The following ARB2A variants were observed in gnomAD, a reference collection of about 807,000 sequenced individuals.
ARB2A encodes cotranscriptional regulator ARB2A.
chr5:94,016,031 T>C, the ARB2A span, among the ~76,000 whole-genome samples: 1 of 152,132 alleles, frequency 6.6e-6, no homozygotes, highest in Non-Finnish European at 1.5e-5. Flanking sequence ...AATTATATAC[T>C]GTCTACAACA....
At chr5:93,784,529 G>A in the ARB2A span, 2 of 1,559,126 alleles carry the variant, frequency 1.3e-6, no homozygotes, top group East Asian at 2.3e-5. Flanking sequence ...TAAAATATTG[G>A]CTATAATTGT....
At chr5:93,773,453 G>T in the ARB2A span, among the ~76,000 whole-genome samples, 13,530 of 152,150 alleles carry the variant, frequency 0.089, 943 homozygotes, top group African/African-American at 0.19. Context: ...GTAACTAAAG[G>T]CAATAGCATA....
the ARB2A span, chr5:93,805,981 A>T: frequency 1.0e-6 from 1 of 966,048 alleles, no homozygotes; most frequent in Non-Finnish European, 1.2e-6. Flanking sequence ...CACTCATGAG[A>T]TTATTTTATA....
chr5:93,755,380 T>A, the ARB2A span, among the ~76,000 whole-genome samples: 1 of 152,188 alleles, frequency 6.6e-6, no homozygotes, highest in Non-Finnish European at 1.5e-5. Context: ...GGAGGTAAGA[T>A]CATCATGGCT....
the ARB2A span, among the ~76,000 whole-genome samples, chr5:93,711,328 T>C: frequency 6.6e-6 from 1 of 151,992 alleles, no homozygotes; most frequent in Admixed American, 6.6e-5. Flanking sequence ...TCTATTGTAA[T>C]ATCAAGAGAA....
chr5:93,950,648 T>C, the ARB2A span, among the ~76,000 whole-genome samples: 13 of 140,480 alleles, frequency 9.3e-5, no homozygotes, highest in Middle Eastern at 4.4e-3. Context: ...GTCTCAAAAA[T>C]AAAACAAATA....
chr5:94,081,154 G>A, the ARB2A span, among the ~76,000 whole-genome samples: 1 of 152,120 alleles, frequency 6.6e-6, no homozygotes, highest in Admixed American at 6.5e-5. Flanking sequence ...ACAATAACTA[G>A]CATGGCTATA....
At chr5:93,699,161 GA>G in the ARB2A span, among the ~76,000 whole-genome samples, 1 of 152,274 alleles carries the variant, frequency 6.6e-6, no homozygotes, top group Non-Finnish European at 1.5e-5. Flanking sequence ...TACAGAGATA[GA>G]AAAGTGGCAC....
chr5:94,063,246 C>A, the ARB2A span, among the ~76,000 whole-genome samples: 1 of 152,102 alleles, frequency 6.6e-6, no homozygotes, highest in African/African-American at 2.4e-5. Context: ...GATTGCCAAG[C>A]ACCAGTCCAC....
the ARB2A span, among the ~76,000 whole-genome samples, chr5:93,809,214 A>G: frequency 6.6e-6 from 1 of 152,028 alleles, no homozygotes; most frequent in East Asian, 1.9e-4. Flanking sequence ...GGATGTAGAC[A>G]TCTTAAAACA....
the ARB2A span, among the ~76,000 whole-genome samples, chr5:93,942,336 T>G: frequency 1.3e-5 from 2 of 152,232 alleles, no homozygotes; most frequent in Admixed American, 6.5e-5. Context: ...TTATGAAGTC[T>G]CTAATGTAAA....
the ARB2A span, among the ~76,000 whole-genome samples, chr5:93,702,116 C>T: frequency 6.6e-6 from 1 of 152,104 alleles, no homozygotes; most frequent in African/African-American, 2.4e-5. Flanking sequence ...TGGAATTAAC[C>T]TTGGGAATCA....
chr5:94,104,158 G>C, the ARB2A span, among the ~76,000 whole-genome samples: 4 of 149,652 alleles, frequency 2.7e-5, no homozygotes, highest in South Asian at 8.4e-4. Context: ...CAAAATCAGA[G>C]CTGACTGAAC....
chr5:93,776,226 G>A, the ARB2A span: 2 of 1,611,238 alleles, frequency 1.2e-6, no homozygotes, highest in African/African-American at 2.7e-5. Flanking sequence ...CTGAGCTAGA[G>A]ACCCAATTAC....
the ARB2A span, among the ~76,000 whole-genome samples, chr5:94,107,389 A>G: frequency 1.3e-5 from 2 of 152,132 alleles, no homozygotes; most frequent in Non-Finnish European, 2.9e-5. Context: ...AGGAGTTACA[A>G]GTAAAATTGT....
chr5:93,644,182 C>T, the ARB2A span, among the ~76,000 whole-genome samples: 2 of 152,180 alleles, frequency 1.3e-5, no homozygotes, highest in African/African-American at 4.8e-5. Flanking sequence ...GAGTCCAGAT[C>T]CCAGGCTCTT....
chr5:93,655,468 T>C, the ARB2A span, among the ~76,000 whole-genome samples: 3 of 152,178 alleles, frequency 2.0e-5, no homozygotes, highest in Non-Finnish European at 1.5e-5. Context: ...CCTTAATCCT[T>C]GTGTCACCTT....
At chr5:93,865,184 C>T in the ARB2A span, among the ~76,000 whole-genome samples, 2 of 152,142 alleles carry the variant, frequency 1.3e-5, no homozygotes, top group Non-Finnish European at 2.9e-5. Context: ...CGGGTTCTCG[C>T]CATTCTCCTG....
At chr5:94,087,305 G>A in the ARB2A span, among the ~76,000 whole-genome samples, 1 of 152,076 alleles carries the variant, frequency 6.6e-6, no homozygotes, top group African/African-American at 2.4e-5. Flanking sequence ...TACTCGGGGG[G>A]CTAAGGCAGG....
Sources: gnomAD v4.1 joint callset for allele counts (sites outside exome capture counted in the v4.1 genomes callset) on GRCh38, gnomAD v4.1.1 for gene constraint, MANE v1.5 for transcripts, NCBI Gene and HGNC (gene_info 2026-07-23, HGNC 2026-07-21) for gene names.